Variants in SPOCK3 observed in about 807,000 individuals in gnomAD.
The protein encoded by SPOCK3 is testican-3.
In SPOCK3, 30 loss-of-function variants were observed where a neutral mutation model predicts 56.6. That is an observed-to-expected ratio of 0.53 (90% CI 0.40 to 0.72). The LOEUF (loss-of-function observed/expected upper bound fraction) is 0.72. SPOCK3 is among the 30% of genes least tolerant of loss of function. SPOCK3 has a pLI of 0.00. For synonymous variants in SPOCK3, 196 were observed against 183.3 expected, an observed-to-expected ratio of 1.07 and a Z score of -0.56; for missense variants, 527 against 530.0, an observed-to-expected ratio of 0.99 and a Z score of 0.06.
In SPOCK3 at chr4:166,973,759, C is replaced by T. The variant is rs1029518428; in HGVS notation, c.350+26590G>A. The stretch of plus-strand genomic sequence containing the variant: ...GTTTGATCACAAGTTGATTTAATGG[C>T]CGCTAGAAAAGATAGATCCAAGACT... On this transcript the variant is annotated intron_variant, in intron 4 of 10. Coordinates refer to ENST00000357545, the MANE Select transcript of SPOCK3 (RefSeq NM_001040159.2). 3.3e-5 allele frequency among the ~76,000 whole-genome samples: 5 copies of T among 151,978 alleles called. No homozygotes were observed. In the East Asian group the frequency reaches 7.7e-4, roughly 23 times the overall value.
At chr4:166,902,506 T>C (rs1319262247) in intron 5 of SPOCK3, among the ~76,000 whole-genome samples, 1 of 151,992 alleles carries the variant, frequency 6.6e-6, no homozygotes, top group Non-Finnish European at 1.5e-5. Flanking sequence ...CTTTTGACTT[T>C]CTCATTCTAC....
At chr4:166,877,937 T>C (rs767915752) in intron 6 of SPOCK3, among the ~76,000 whole-genome samples, 1 of 152,148 alleles carries the variant, frequency 6.6e-6, no homozygotes, top group Non-Finnish European at 1.5e-5. Flanking sequence ...ACCATAGCTA[T>C]CATCCTGCAT....
At chr4:167,107,898 G>T (rs942637330) in intron 2 of SPOCK3, among the ~76,000 whole-genome samples, 2 of 151,676 alleles carry the variant, frequency 1.3e-5, no homozygotes, top group African/African-American at 2.4e-5. Context: ...AGAAGTGAAA[G>T]ATTCCTTCTC....
chr4:166,976,847 A>G (rs1166777214), intron 4 of SPOCK3, among the ~76,000 whole-genome samples: 1 of 151,912 alleles, frequency 6.6e-6, no homozygotes, highest in Non-Finnish European at 1.5e-5. Flanking sequence ...TACTCACTTT[A>G]TACTTGCCAT....
chr4:166,926,710 A>G (rs1739147626), intron 4 of SPOCK3, among the ~76,000 whole-genome samples: 1 of 152,130 alleles, frequency 6.6e-6, no homozygotes, highest in African/African-American at 2.4e-5. Flanking sequence ...CCCAGGAGAA[A>G]CTAGTAATAG....
At chr4:166,837,633 T>TCTTTATC (rs1242911979) in intron 6 of SPOCK3, among the ~76,000 whole-genome samples, 4 of 152,228 alleles carry the variant, frequency 2.6e-5, no homozygotes, top group Admixed American at 2.6e-4. Flanking sequence ...CGTAAATATT[T>TCTTTATC]CTTTATCCTG....
chr4:166,916,972 T>C (rs1057165596), intron 4 of SPOCK3, among the ~76,000 whole-genome samples: 1 of 151,972 alleles, frequency 6.6e-6, no homozygotes, highest in Non-Finnish European at 1.5e-5. Context: ...AAGGATGAGG[T>C]TGGATGTTAA....
At chr4:166,908,977 C>T (rs10031083) in intron 5 of SPOCK3, among the ~76,000 whole-genome samples, 12,237 of 151,982 alleles carry the variant, frequency 0.081, 562 homozygotes, top group Non-Finnish European at 0.1. Context: ...TCTGGCATTG[C>T]TGAATTTGAA....
At chr4:166,804,613 C>T (rs1157755683) in intron 6 of SPOCK3, among the ~76,000 whole-genome samples, 1 of 152,102 alleles carries the variant, frequency 6.6e-6, no homozygotes, top group Non-Finnish European at 1.5e-5. Context: ...TATTTTAAAT[C>T]TTCATATACA....
Position 166,950,678 on chromosome 4 carries a change from C to G in SPOCK3, c.351-37935G>C, listed in dbSNP as rs368938594. On this transcript the variant is annotated intron_variant, in intron 4 of 10. Transcript: ENST00000357545. ...CACCTATTCCAAAATTGACCACATACTTGGAAGTAAAGCTCTCCTCAGCAA... is the reference window on the plus strand; with the variant it reads ...CACCTATTCCAAAATTGACCACATAGTTGGAAGTAAAGCTCTCCTCAGCAA... 4.0e-3 allele frequency among the ~76,000 whole-genome samples: 574 copies of G among 145,064 alleles called. 7 individuals carry two copies. The highest frequency in any genetic ancestry group is 0.014 in the African/African-American group (527 of 37,042).
intron 2 of SPOCK3, among the ~76,000 whole-genome samples, chr4:167,194,165 T>C (rs1732722233): frequency 7.9e-6 from 1 of 126,420 alleles, no homozygotes; most frequent in Non-Finnish European, 1.7e-5. Flanking sequence ...CTGATTCTTT[T>C]ATTTGCATTA....
chr4:167,231,633 G>T (rs1580702893), intron 2 of SPOCK3, among the ~76,000 whole-genome samples: 1 of 152,140 alleles, frequency 6.6e-6, no homozygotes, highest in Non-Finnish European at 1.5e-5. Context: ...CATCCTGAGA[G>T]CTACAGAAAA....
chr4:166,840,980 G>T (rs1328229926), intron 6 of SPOCK3, among the ~76,000 whole-genome samples: 2 of 151,216 alleles, frequency 1.3e-5, no homozygotes, highest in Non-Finnish European at 2.9e-5. Flanking sequence ...GGGTTTCACC[G>T]TGTTAGCCAG....
intron 2 of SPOCK3, among the ~76,000 whole-genome samples, chr4:167,116,620 T>C (rs1335378794): frequency 7.6e-6 from 1 of 131,472 alleles, no homozygotes; most frequent in African/African-American, 2.9e-5. Context: ...TACGTATATA[T>C]ATACATATAT....
intron 2 of SPOCK3, among the ~76,000 whole-genome samples, chr4:167,188,189 A>G (rs1732181487): frequency 6.8e-6 from 1 of 146,324 alleles, no homozygotes; most frequent in African/African-American, 2.6e-5. Context: ...ACCCGAACTC[A>G]GCTAAACAGC....
intron 2 of SPOCK3, among the ~76,000 whole-genome samples, chr4:167,116,597 C>CGTATATACTATATACGTAT (rs1375217283): frequency 2.3e-5 from 3 of 131,540 alleles, no homozygotes; most frequent in Non-Finnish European, 4.7e-5. Context: ...TATATATATA[C>CGTATATACTATATACGTAT]ATATATACTA....
At chr4:166,921,230 A>G (rs1365792053) in intron 4 of SPOCK3, among the ~76,000 whole-genome samples, 1 of 152,232 alleles carries the variant, frequency 6.6e-6, no homozygotes, top group East Asian at 1.9e-4. Flanking sequence ...AATAAAATTT[A>G]AAAGGCAGCC....
chr4:167,141,116 G>C (rs575271856), intron 2 of SPOCK3, among the ~76,000 whole-genome samples: 3 of 151,950 alleles, frequency 2.0e-5, no homozygotes, highest in African/African-American at 4.8e-5. Context: ...CTTGCTTAAG[G>C]TGATAAGTCC....
intron 4 of SPOCK3, among the ~76,000 whole-genome samples, chr4:166,980,596 G>A (rs1183523765): frequency 1.3e-5 from 2 of 152,240 alleles, no homozygotes; most frequent in East Asian, 3.9e-4. Context: ...AGTGGTGCAG[G>A]GTGCTTGCAT....
Sources: allele counts gnomAD v4.1 joint callset (sites outside exome capture counted in the v4.1 genomes callset), GRCh38; gene constraint gnomAD v4.1.1; transcripts MANE v1.5; gene names NCBI Gene and HGNC (gene_info 2026-07-23, HGNC 2026-07-21).